The following C9orf153 variants were observed in gnomAD, a reference collection of about 807,000 sequenced individuals.
C9orf153 encodes uncharacterized protein C9orf153.
A neutral mutation model predicts 9.0 loss-of-function variants in C9orf153; 10 were observed. That is an observed-to-expected ratio of 1.11 (90% CI 0.69 to 1.89). C9orf153 has a LOEUF of 1.89. C9orf153 is among the 40% of genes most tolerant of loss of function. C9orf153 has a pLI of 0.00. For synonymous variants in C9orf153, 35 were observed against 37.3 expected, an observed-to-expected ratio of 0.94 and a Z score of 0.23; for missense variants, 108 against 111.0, an observed-to-expected ratio of 0.97 and a Z score of 0.12.
chr9:86,249,548 CTTTT>C (rs369850072), intron 1 of C9orf153, among the ~76,000 whole-genome samples: 1,346 of 128,372 alleles, frequency 0.01, 23 homozygotes, highest in East Asian at 0.056. Context: ...CGTCTCCCAC[CTTTT>C]TTTTTTTTTT....
chr9:86,235,619 G>T (rs557151068), intron 1 of C9orf153, among the ~76,000 whole-genome samples: 1 of 151,706 alleles, frequency 6.6e-6, no homozygotes. Flanking sequence ...GCCAGGCGTG[G>T]AGGCATGTGC....
intron 1 of C9orf153, among the ~76,000 whole-genome samples, chr9:86,244,638 T>C (rs1455356438): frequency 6.6e-6 from 1 of 152,190 alleles, no homozygotes; most frequent in Non-Finnish European, 1.5e-5. Flanking sequence ...AATGGGAGTG[T>C]GTTCTTTCTT....
intron 1 of C9orf153, among the ~76,000 whole-genome samples, chr9:86,245,893 C>T (rs1347603474): frequency 6.6e-6 from 1 of 152,228 alleles, no homozygotes; most frequent in Admixed American, 6.5e-5. Context: ...AGAGGAGATG[C>T]TCACATTCCT....
At chr9:86,256,929 G>A (rs1825133460) in intron 1 of C9orf153, among the ~76,000 whole-genome samples, 2 of 152,150 alleles carry the variant, frequency 1.3e-5, no homozygotes, top group African/African-American at 4.8e-5. Context: ...GGAGGCTGAG[G>A]TGAGAGATCA....
intron 3 of C9orf153, among the ~76,000 whole-genome samples, chr9:86,222,466 A>T (rs1824227044): frequency 6.6e-6 from 1 of 152,162 alleles, no homozygotes; most frequent in Admixed American, 6.5e-5. Flanking sequence ...TTCTTCCAAG[A>T]TGCTAATGTA....
At chr9:86,229,478 T>C in intron 2 of C9orf153, 60 bp downstream of exon 2, 1 of 1,199,364 alleles carries the variant, frequency 8.3e-7, no homozygotes, top group Non-Finnish European at 1.2e-6. Context: ...TTTGAATGTT[T>C]ATGATTCTTG....
chr9:86,257,137 A>T (rs1825137247), intron 1 of C9orf153, among the ~76,000 whole-genome samples: 1 of 152,208 alleles, frequency 6.6e-6, no homozygotes, highest in South Asian at 2.1e-4. Context: ...TATTCTGGGC[A>T]ACTTGAATCA....
chr9:86,226,093 C>A (rs1224117258), intron 3 of C9orf153, among the ~76,000 whole-genome samples: 1 of 152,146 alleles, frequency 6.6e-6, no homozygotes, highest in African/African-American at 2.4e-5. Flanking sequence ...TGGTCCCAGG[C>A]TTTACTTGTG....
chr9:86,240,459 C>G (rs1290345823), intron 1 of C9orf153, among the ~76,000 whole-genome samples: 4 of 150,950 alleles, frequency 2.6e-5, no homozygotes, highest in Non-Finnish European at 5.9e-5. Flanking sequence ...TCACTGTAAC[C>G]TCTGCCCTCC....
intron 2 of C9orf153, chr9:86,228,719 GTC>G (rs1587797662): frequency 6.5e-6 from 1 of 152,742 alleles, no homozygotes; most frequent in East Asian, 1.9e-4. Context: ...AGAGGCCATA[GTC>G]TCAGGTTAGG....
chr9:86,235,062 A>C (rs1824551322), intron 1 of C9orf153, among the ~76,000 whole-genome samples: 1 of 152,196 alleles, frequency 6.6e-6, no homozygotes. Flanking sequence ...CTCCTCGAGA[A>C]CAGGGCAGAA....
Position 86,227,854 on chromosome 9 carries a change from C to T in C9orf153, c.242+1G>A. ...GCTTCTCTTTTTTAACCACTGTGCA[C>T]CTGATAACAGGTTGGAGATCTCCTC... On this transcript the variant is annotated splice_donor_variant, in intron 3 of 3. Transcript: ENST00000339137. LOFTEE classifies it high-confidence loss of function. 6.2e-7 allele frequency: 1 copy of T among 1,609,458 alleles called. No homozygotes were observed. The highest frequency in any genetic ancestry group is 8.5e-7 in the Non-Finnish European group (1 of 1,178,424).
chr9:86,247,220 A>G (rs1824887033), intron 1 of C9orf153, among the ~76,000 whole-genome samples: 1 of 152,170 alleles, frequency 6.6e-6, no homozygotes. Flanking sequence ...AAACCTCAGG[A>G]GTGGATCAAA....
intron 1 of C9orf153, among the ~76,000 whole-genome samples, chr9:86,250,842 G>A (rs1156427725): frequency 6.6e-6 from 1 of 152,112 alleles, no homozygotes; most frequent in South Asian, 2.1e-4. Flanking sequence ...CCTCAGAATG[G>A]TAGTTGAAAA....
At chr9:86,232,312 T>G (rs1425126562) in intron 1 of C9orf153, among the ~76,000 whole-genome samples, 2 of 152,158 alleles carry the variant, frequency 1.3e-5, no homozygotes, top group South Asian at 4.1e-4. Context: ...CACTTAAAGG[T>G]TGACTTGACT....
chr9:86,240,351 G>A (rs533921372), intron 1 of C9orf153, among the ~76,000 whole-genome samples: 114 of 150,746 alleles, frequency 7.6e-4, no homozygotes, highest in African/African-American at 2.7e-3. Flanking sequence ...GCATTTCAGT[G>A]CAATTTAATT....
chr9:86,252,053 G>C (rs1461556524), intron 1 of C9orf153, among the ~76,000 whole-genome samples: 1 of 151,742 alleles, frequency 6.6e-6, no homozygotes, highest in Non-Finnish European at 1.5e-5. Flanking sequence ...GTTTTGTTTT[G>C]AGATGGAGTC....
At chr9:86,226,065 T>A (rs1824324172) in intron 3 of C9orf153, among the ~76,000 whole-genome samples, 1 of 152,202 alleles carries the variant, frequency 6.6e-6, no homozygotes, top group Non-Finnish European at 1.5e-5. Flanking sequence ...CTCAACACTT[T>A]TCATGATTTT....
At chr9:86,229,890 A>G (rs374025608) in intron 1 of C9orf153, among the ~76,000 whole-genome samples, 1 of 152,122 alleles carries the variant, frequency 6.6e-6, no homozygotes, top group Non-Finnish European at 1.5e-5. Context: ...GAAACTTACA[A>G]TTATTGGGGG....
Sources: gnomAD v4.1 joint callset for allele counts (sites outside exome capture counted in the v4.1 genomes callset) on GRCh38, gnomAD v4.1.1 for gene constraint, MANE v1.5 for transcripts, NCBI Gene and HGNC (gene_info 2026-07-23, HGNC 2026-07-21) for gene names.